The following CLPX variants were observed in gnomAD, a reference collection of about 807,000 sequenced individuals.
CLPX encodes the protein ATP-dependent clpX-like chaperone, mitochondrial.
CLPX carries 34 observed loss-of-function variants against 76.4 expected under a neutral mutation model. The observed-to-expected ratio is 0.45, with a 90% CI of 0.34 to 0.59. The LOEUF is 0.59. Ranked by LOEUF, CLPX falls within the 20% of genes least tolerant of loss-of-function variation. CLPX has a pLI of 0.01. For missense variants in CLPX, 613 were observed against 757.0 expected (o/e 0.81, Z 2.23); for synonymous variants, 248 against 270.9 (o/e 0.92, Z 0.83).
At chr15:65,165,532 C>T (rs567488472) in intron 4 of CLPX, among the ~76,000 whole-genome samples, 48 of 151,940 alleles carry the variant, frequency 3.2e-4, no homozygotes, top group Middle Eastern at 3.4e-3. Context: ...TAAAGGCACC[C>T]GCCACCACGC....
intron 4 of CLPX, among the ~76,000 whole-genome samples, chr15:65,164,655 C>T (rs2140627830): frequency 6.6e-6 from 1 of 152,170 alleles, no homozygotes; most frequent in Admixed American, 6.5e-5. Flanking sequence ...TAATCAAAAG[C>T]CATTATACTA....
intron 3 of CLPX, 85 bp from the exon 4 acceptor site, chr15:65,166,870 A>T (rs1232263336): frequency 1.3e-5 from 18 of 1,343,514 alleles, no homozygotes; most frequent in Non-Finnish European, 1.8e-5. Flanking sequence ...TGTAAATGAA[A>T]GCTACGCACC....
At chr15:65,161,822 T>C (rs1351737815) in intron 6 of CLPX, among the ~76,000 whole-genome samples, 1 of 152,184 alleles carries the variant, frequency 6.6e-6, no homozygotes, top group Non-Finnish European at 1.5e-5. Flanking sequence ...TCAGTATTTC[T>C]ATAAATTTAA....
intron 11 of CLPX, among the ~76,000 whole-genome samples, chr15:65,154,024 A>C (rs4776670): frequency 0.72 from 109,999 of 152,090 alleles, 42,022 homozygotes; most frequent in East Asian, 0.99. Context: ...GGGAGCAGCA[A>C]AGGGGGAGAC....
At chr15:65,152,284 G>C (rs2087731248) in intron 13 of CLPX, 146 bp downstream of exon 13, 2 of 378,634 alleles carry the variant, frequency 5.3e-6, no homozygotes, top group Non-Finnish European at 9.4e-6. Flanking sequence ...ACCCAAATTA[G>C]ATTTTTCTAC....
rs1398474140 is a variant in CLPX, at chr15:65,149,106, A to G, written c.*1717T>C. ...TAGCTCAATACTTCAGGTTAAATAC[A>G]CAATATCAAGAAATTTTATTTAGGT... On this transcript the variant is annotated 3_prime_UTR_variant, in exon 14 of 14. Coordinates refer to ENST00000300107, the MANE Select transcript of CLPX (RefSeq NM_006660.5). The G allele has an allele frequency of 6.6e-6, 1 of 152,278 alleles. No homozygotes were observed. Among genetic ancestry groups the G allele is most frequent in the African/African-American group, 2.4e-5 (1 of 41,468 alleles). 9.4% of individuals were successfully genotyped at this position (152,278 alleles called of 1,614,324 possible). A position where few individuals can be genotyped will look rare whatever the true frequency, so the allele number is the denominator to read the frequency against.
rs540158620 is a variant in CLPX, at chr15:65,174,983, G to A, written c.358+3951C>T. On this transcript the variant is annotated intron_variant, in intron 3 of 13. Transcript: ENST00000300107. Reference sequence around the variant, plus strand: ...TAAAAAAAATCACACGTTCAATGAAGATATGTTATAGAACTTTATAGCTTC... The same window carrying A: ...TAAAAAAAATCACACGTTCAATGAAAATATGTTATAGAACTTTATAGCTTC... Among the ~76,000 whole-genome samples, 7 of 152,180 alleles carry A rather than the reference G, an allele frequency of 4.6e-5. No homozygotes were observed. The South Asian group carries it at 1.5e-3, about 32-fold the overall frequency.
At position 65,149,500 on chromosome 15, in the gene CLPX, TA is replaced by T. The variant is rs151312669; in HGVS notation, c.*1322del. On this transcript the variant is annotated 3_prime_UTR_variant, in exon 14 of 14. Coordinates refer to ENST00000300107, the MANE Select transcript of CLPX (RefSeq NM_006660.5). Reference sequence around the variant, plus strand: ...AAAAAAATAAAATAAAATAGATATATAACTTTCTGAAGATTTAAGCCAGACT... The same window carrying T: ...AAAAAAATAAAATAAAATAGATATATACTTTCTGAAGATTTAAGCCAGACT... The T allele has an allele frequency of 2.8e-3, 1,103 of 399,640 alleles. 13 individuals are homozygous for T. Among genetic ancestry groups the T allele is most frequent in the African/African-American group, 0.022 (1,040 of 46,830 alleles). 24.8% of individuals were successfully genotyped at this position (399,640 alleles called of 1,614,324 possible).
chr15:65,185,263 C>A lies in CLPX; in HGVS notation c.-110G>T. ...TCGGTTCCGAACCCTTTCGCGGGCC[C>A]TAGACCCCGTGGAGAGTTCACCTGC... On this transcript the variant is annotated 5_prime_UTR_variant, in exon 1 of 14. The change creates a new upstream start codon in the 5' untranslated region. Transcript: ENST00000300107. The A allele has an allele frequency of 1.1e-6, 1 of 869,996 alleles. No individual in the cohort carries two copies. The highest frequency in any genetic ancestry group is 1.8e-6 in the Non-Finnish European group (1 of 555,198). The allele number at this position is 869,996 out of a possible 1,614,324, so 53.9% of individuals were successfully genotyped here.
chr15:65,178,351 TA>T (rs2088116337), intron 3 of CLPX, among the ~76,000 whole-genome samples: 1 of 152,132 alleles, frequency 6.6e-6, no homozygotes, highest in African/African-American at 2.4e-5. Flanking sequence ...TAAACACAAG[TA>T]AGCAAAATAA....
At chr15:65,161,251 A>AG (rs2087853260) in intron 6 of CLPX, among the ~76,000 whole-genome samples, 1 of 152,176 alleles carries the variant, frequency 6.6e-6, no homozygotes, top group Non-Finnish European at 1.5e-5. Flanking sequence ...CCAAAGATGG[A>AG]GAAAAAAAGC....
intron 3 of CLPX, among the ~76,000 whole-genome samples, chr15:65,174,418 C>T (rs1033436832): frequency 6.6e-6 from 1 of 151,946 alleles, no homozygotes; most frequent in Non-Finnish European, 1.5e-5. Flanking sequence ...GTACGTGCCA[C>T]CAAGCCTGGC....
At chr15:65,182,118 CAA>C (rs540972406) in intron 1 of CLPX, among the ~76,000 whole-genome samples, 17 of 69,152 alleles carry the variant, frequency 2.5e-4, no homozygotes, top group Non-Finnish European at 2.5e-4. Context: ...GTCTCCGTCT[CAA>C]AAAAAAAAAA....
At position 65,157,857 on chromosome 15, in the gene CLPX, T is replaced by G. The variant is rs745930831; in HGVS notation, c.946A>C (p.Ile316Leu). 6.2e-7 allele frequency: 1 copy of G among 1,613,376 alleles called. No homozygotes were observed. The highest frequency in any genetic ancestry group is 1.7e-5 in the Admixed American group (1 of 59,910). Residue 316 changes from isoleucine to leucine, a missense_variant, in exon 8 of 14, where the codon ATC becomes CTC. By Grantham distance (5) the Ile-to-Leu change is conservative. This residue lies in a region of CLPX where 450 missense variants were observed against 638.6 expected (regional missense o/e 0.70). Transcript: ENST00000300107. ...TGAGTCAAAGTTGTACAGTCACAGA[T>G]AGCAAAAGGGACATCAAGGCATTTA... is the stretch of plus-strand genomic sequence containing the variant. ...LAKCLDVPFA[I>L]CDCTTLTQAG...
intron 3 of CLPX, among the ~76,000 whole-genome samples, chr15:65,171,017 T>A (rs1333980918): frequency 6.7e-6 from 1 of 149,074 alleles, no homozygotes; most frequent in African/African-American, 2.5e-5. Flanking sequence ...GAGATGGGGT[T>A]TCACCATGTT....
At chr15:65,151,677 T>A (rs1414787270) in intron 13 of CLPX, among the ~76,000 whole-genome samples, 1 of 152,154 alleles carries the variant, frequency 6.6e-6, no homozygotes, top group Non-Finnish European at 1.5e-5. Flanking sequence ...CATACGTCAA[T>A]GTCATTAAAC....
At chr15:65,168,256 C>T (rs1228762480) in intron 3 of CLPX, among the ~76,000 whole-genome samples, 1 of 149,988 alleles carries the variant, frequency 6.7e-6, no homozygotes. Context: ...TGGTGGTGGG[C>T]GCCTGTAGTC....
Position 65,149,953 on chromosome 15 carries a change from T to C in CLPX, c.*870A>G, listed in dbSNP as rs912305973. 3 of 153,468 alleles carry C rather than the reference T, an allele frequency of 2.0e-5. No homozygotes were observed. The highest frequency in any genetic ancestry group is 7.3e-5 in the African/African-American group (3 of 41,298). The allele number at this position is 153,468 out of a possible 1,614,324, so 9.5% of individuals were successfully genotyped here. A position where few individuals can be genotyped will look rare whatever the true frequency, so the allele number is the denominator to read the frequency against. On this transcript the variant is annotated 3_prime_UTR_variant, in exon 14 of 14. Coordinates refer to ENST00000300107, the MANE Select transcript of CLPX (RefSeq NM_006660.5). ...AGAACCAATTGGGAAGTTAGTGTCA[T>C]GCATTAGCAGATAAGACTAGGAATA...
At chr15:65,152,102 G>C (rs1211416900) in intron 13 of CLPX, among the ~76,000 whole-genome samples, 1 of 151,950 alleles carries the variant, frequency 6.6e-6, no homozygotes, top group African/African-American at 2.4e-5. Context: ...GCTAATTTTT[G>C]TATTTTTAGT....
Sources: gnomAD v4.1 joint callset for allele counts (sites outside exome capture counted in the v4.1 genomes callset) on GRCh38, gnomAD v4.1.1 for gene constraint, gnomAD v4.1.1 regional missense constraint, MANE v1.5 for transcripts, NCBI Gene and HGNC (gene_info 2026-07-23, HGNC 2026-07-21) for gene names.